Variants in CNOT7 observed in about 807,000 individuals in gnomAD.
CNOT7 encodes BTG1-binding factor 1.
Under a neutral mutation model 37.1 loss-of-function variants are expected in CNOT7, and 4 were observed. The ratio of observed to expected loss-of-function variants is 0.11; its 90% CI spans 0.05 to 0.25. CNOT7 has a LOEUF of 0.25. Ranked by LOEUF, CNOT7 falls within the 10% of genes least tolerant of loss-of-function variation. The pLI, the probability that CNOT7 is intolerant of heterozygous loss-of-function variation, is 1.00. For missense variants in CNOT7, 170 were observed against 336.2 expected, an observed-to-expected ratio of 0.51 and a Z score of 3.87; for synonymous variants, 128 against 115.6, an observed-to-expected ratio of 1.11 and a Z score of -0.69.
At chr8:17,232,125 G>C in intron 6 of CNOT7, 14 of 1,055,950 alleles carry the variant, frequency 1.3e-5, no homozygotes, top group Non-Finnish European at 1.7e-5. Context: ...GTTTAATCAT[G>C]GAAGTTATTA....
At chr8:17,231,150 C>T (rs929937149) in intron 6 of CNOT7, among the ~76,000 whole-genome samples, 3 of 151,954 alleles carry the variant, frequency 2.0e-5, no homozygotes, top group Non-Finnish European at 4.4e-5. Context: ...ATTAATTTAA[C>T]AATACTCAAG....
intron 5 of CNOT7, among the ~76,000 whole-genome samples, chr8:17,233,412 C>A (rs1198942448): frequency 6.6e-6 from 1 of 152,182 alleles, no homozygotes; most frequent in African/African-American, 2.4e-5. Context: ...AGAACTAGAA[C>A]TGAATAGAAC....
chr8:17,238,362 A>C (rs1809664543), intron 3 of CNOT7, among the ~76,000 whole-genome samples: 1 of 152,198 alleles, frequency 6.6e-6, no homozygotes, highest in Non-Finnish European at 1.5e-5. Context: ...AGTCCTTTAG[A>C]AATCAATTTA....
At position 17,226,319 on chromosome 8, in the gene CNOT7, G is replaced by GTT. The variant is rs1032813347; in HGVS notation, c.*4399_*4400dup. 1 of 151,298 alleles carries GTT rather than the reference G, an allele frequency of 6.6e-6. No individual in the cohort carries two copies. The highest frequency in any genetic ancestry group is 2.4e-5 in the African/African-American group (1 of 41,308). The allele number at this position is 151,298 out of a possible 1,614,324, so 9.4% of individuals were successfully genotyped here. A position where few individuals can be genotyped will look rare whatever the true frequency, so the allele number is the denominator to read the frequency against. ...CCCCTCATTGGAATAAATAGAAAATGTTAATCTGTTAATGCTGATGTGTAA... is the reference window on the plus strand; with the variant it reads ...CCCCTCATTGGAATAAATAGAAAATGTTTTAATCTGTTAATGCTGATGTGTAA... On this transcript the variant is annotated 3_prime_UTR_variant, in exon 7 of 7. Coordinates refer to ENST00000361272, the MANE Select transcript of CNOT7 (RefSeq NM_013354.7).
intron 4 of CNOT7, among the ~76,000 whole-genome samples, chr8:17,235,310 G>C (rs1224222560): frequency 6.6e-6 from 1 of 152,206 alleles, no homozygotes; most frequent in Non-Finnish European, 1.5e-5. Context: ...AGTAATGCAA[G>C]TCATCCCACT....
intron 1 of CNOT7, 75 bp from the exon 2 acceptor site, chr8:17,245,322 C>A: frequency 3.2e-6 from 2 of 622,026 alleles, no homozygotes; most frequent in Non-Finnish European, 4.8e-6. Context: ...CCAGCAGGAA[C>A]CTAAGAAGTT....
intron 3 of CNOT7, among the ~76,000 whole-genome samples, chr8:17,240,322 A>C (rs1254601551): frequency 6.6e-6 from 1 of 151,990 alleles, no homozygotes; most frequent in African/African-American, 2.4e-5. Flanking sequence ...GCCCAATACA[A>C]ATTTGTCAAC....
At chr8:17,233,882 G>A (rs1055605209) in intron 5 of CNOT7, among the ~76,000 whole-genome samples, 1 of 152,068 alleles carries the variant, frequency 6.6e-6, no homozygotes, top group Non-Finnish European at 1.5e-5. Context: ...GTAAAACCCC[G>A]ACTCTACTAA....
intron 3 of CNOT7, chr8:17,241,764 G>A (rs921464336): frequency 2.0e-5 from 3 of 152,036 alleles, no homozygotes; most frequent in African/African-American, 7.2e-5. Flanking sequence ...TTTACCACAG[G>A]CTAATTGATA....
intron 4 of CNOT7, among the ~76,000 whole-genome samples, chr8:17,235,518 T>C (rs1585798739): frequency 2.0e-5 from 3 of 152,244 alleles, no homozygotes; most frequent in East Asian, 3.9e-4. Context: ...AAAAAATAAC[T>C]ACTCTCTTGA....
chr8:17,231,517 A>G (rs1328390797), intron 6 of CNOT7: 1 of 985,000 alleles, frequency 1.0e-6, no homozygotes, highest in Admixed American at 6.1e-5. Context: ...AACACTACTT[A>G]GCAAAACAGC....
intron 5 of CNOT7, among the ~76,000 whole-genome samples, chr8:17,232,750 A>C (rs1419847184): frequency 6.6e-6 from 1 of 152,142 alleles, no homozygotes; most frequent in East Asian, 1.9e-4. Flanking sequence ...CAAGATCCTA[A>C]TTGGGAAAAT....
At chr8:17,235,877 G>C (rs1019407141) in intron 4 of CNOT7, among the ~76,000 whole-genome samples, 4 of 152,150 alleles carry the variant, frequency 2.6e-5, no homozygotes, top group African/African-American at 7.2e-5. Flanking sequence ...AAGAAGACAT[G>C]AATGAACCCT....
At position 17,245,206 on chromosome 8, in the gene CNOT7, G is replaced by A; in HGVS notation, c.-54C>T. ...AAGCATCAAAATGTTATACTTGATT[G>A]AAGATTTGTTTCATAAAATATTTTA... On this transcript the variant is annotated 5_prime_UTR_variant, in exon 2 of 7. Coordinates refer to ENST00000361272, the MANE Select transcript of CNOT7 (RefSeq NM_013354.7). 1 of 1,525,848 alleles carries A rather than the reference G, an allele frequency of 6.6e-7. No individual in the cohort carries two copies. Among genetic ancestry groups the A allele is most frequent in the East Asian group, 2.3e-5 (1 of 42,996 alleles). 94.5% of individuals were successfully genotyped at this position (1,525,848 alleles called of 1,614,324 possible).
At chr8:17,235,258 A>C (rs948519228) in intron 4 of CNOT7, among the ~76,000 whole-genome samples, 12 of 152,202 alleles carry the variant, frequency 7.9e-5, no homozygotes, top group African/African-American at 2.9e-4. Flanking sequence ...TGGCCAGAAG[A>C]GTTAGCAAAG....
intron 5 of CNOT7, among the ~76,000 whole-genome samples, chr8:17,234,398 G>A (rs1449700666): frequency 6.6e-6 from 1 of 152,134 alleles, no homozygotes. Flanking sequence ...TCACAATGGC[G>A]TGCATATGAG....
rs1227887075 is a variant in CNOT7 at position 17,225,342 on chromosome 8, C to G, written c.*5378G>C. 1 of 151,642 alleles carries G rather than the reference C, an allele frequency of 6.6e-6. No individual in the cohort carries two copies. Among genetic ancestry groups the G allele is most frequent in the Non-Finnish European group, 1.5e-5 (1 of 67,676 alleles). The allele number at this position is 151,642 out of a possible 1,614,324, so 9.4% of individuals were successfully genotyped here. On this transcript the variant is annotated 3_prime_UTR_variant, in exon 7 of 7. Coordinates refer to ENST00000361272, the MANE Select transcript of CNOT7 (RefSeq NM_013354.7). ...ATAAAGCAAGAGGGCAGATTATATTCATGAATGCTTCTCATATACAAAAAA... is the reference window on the plus strand; with the variant it reads ...ATAAAGCAAGAGGGCAGATTATATTGATGAATGCTTCTCATATACAAAAAA...
Position 17,226,772 on chromosome 8 carries a change from T to C in CNOT7, c.*3948A>G, listed in dbSNP as rs1808185389. The C allele has an allele frequency of 6.6e-6, 1 of 151,708 alleles. No homozygotes were observed. Among genetic ancestry groups the C allele is most frequent in the Non-Finnish European group, 1.5e-5 (1 of 67,708 alleles). 9.4% of individuals were successfully genotyped at this position (151,708 alleles called of 1,614,324 possible). A position where few individuals can be genotyped will look rare whatever the true frequency, so the allele number is the denominator to read the frequency against. On this transcript the variant is annotated 3_prime_UTR_variant, in exon 7 of 7. Coordinates refer to ENST00000361272, the MANE Select transcript of CNOT7 (RefSeq NM_013354.7). ...TTATTGAAATGAATTTACCATATTA[T>C]GTTGTTGTACCTTGTAATTTCAGGT...
rs1402346125 is a variant in CNOT7, at chr8:17,226,855, CA to C, written c.*3864del. 1 of 151,658 alleles carries C rather than the reference CA, an allele frequency of 6.6e-6. No individual in the cohort carries two copies. The highest frequency in any genetic ancestry group is 2.4e-5 in the African/African-American group (1 of 41,344). The allele number at this position is 151,658 out of a possible 1,614,324, so 9.4% of individuals were successfully genotyped here. ...GCAAAAGTTAATTTCCAAAGTTACT[CA>C]GTGTTAAAAAACAGTGGTTGAGGAT... On this transcript the variant is annotated 3_prime_UTR_variant, in exon 7 of 7. Coordinates refer to ENST00000361272, the MANE Select transcript of CNOT7 (RefSeq NM_013354.7).
Sources: gnomAD v4.1 joint callset for allele counts (sites outside exome capture counted in the v4.1 genomes callset) on GRCh38, gnomAD v4.1.1 for gene constraint, MANE v1.5 for transcripts, NCBI Gene and HGNC (gene_info 2026-07-23, HGNC 2026-07-21) for gene names.